Variants in CNTNAP2 observed in about 807,000 individuals in gnomAD.
The protein encoded by CNTNAP2 is contactin associated protein 2, also known as contactin-associated protein-like 2.
A neutral mutation model predicts 155.2 loss-of-function variants in CNTNAP2; 98 were observed. The observed-to-expected ratio is 0.63, with a 90% CI of 0.54 to 0.75. The LOEUF (loss-of-function observed/expected upper bound fraction) is 0.75. Ranked by LOEUF, CNTNAP2 falls within the 30% of genes least tolerant of loss-of-function variation. The probability of loss-of-function intolerance (pLI) is 0.00; values close to 1 mark genes in which losing one functional copy is unlikely to be tolerated. For missense variants in CNTNAP2, 1,727 were observed against 1,688.1 expected (o/e 1.02, Z -0.40); for synonymous variants, 651 against 631.2 (o/e 1.03, Z -0.47).
intron 1 of CNTNAP2, among the ~76,000 whole-genome samples, chr7:146,598,262 C>T (rs959033207): frequency 6.6e-6 from 1 of 152,050 alleles, no homozygotes; most frequent in Non-Finnish European, 1.5e-5. Context: ...CTCGATTTTA[C>T]CTTTCTACTC....
At chr7:148,037,733 A>T (rs1047417512) in intron 15 of CNTNAP2, among the ~76,000 whole-genome samples, 12 of 152,330 alleles carry the variant, frequency 7.9e-5, no homozygotes, top group African/African-American at 2.9e-4. Context: ...TTATTCTCAT[A>T]ATCTCTTACT....
At chr7:146,947,377 T>C (rs1421107058) in intron 3 of CNTNAP2, among the ~76,000 whole-genome samples, 4 of 128,488 alleles carry the variant, frequency 3.1e-5, no homozygotes, top group African/African-American at 9.3e-5. Context: ...TCAAGTTCCT[T>C]CTCTCTTTCT....
intron 1 of CNTNAP2, among the ~76,000 whole-genome samples, chr7:146,586,602 A>T (rs1798695960): frequency 6.6e-6 from 1 of 151,786 alleles, no homozygotes; most frequent in Admixed American, 6.6e-5. Flanking sequence ...TAACCATCAG[A>T]TGTATATTAA....
chr7:146,125,384 G>A (rs1315779584), intron 1 of CNTNAP2, among the ~76,000 whole-genome samples: 2 of 151,864 alleles, frequency 1.3e-5, no homozygotes, highest in African/African-American at 4.8e-5. Context: ...AGAACATCCT[G>A]GCTAACACGG....
At chr7:147,864,265 C>T (rs1255089161) in intron 13 of CNTNAP2, among the ~76,000 whole-genome samples, 1 of 152,160 alleles carries the variant, frequency 6.6e-6, no homozygotes, top group Non-Finnish European at 1.5e-5. Flanking sequence ...TCTGATGCCT[C>T]TGTTCTGTTC....
intron 9 of CNTNAP2, among the ~76,000 whole-genome samples, chr7:147,380,270 C>A (rs1387870067): frequency 2.0e-5 from 3 of 150,760 alleles, no homozygotes; most frequent in Non-Finnish European, 3.0e-5. Flanking sequence ...GAAAAAAAAA[C>A]CCTGATTTTT....
chr7:147,383,413 G>A (rs1053761254), intron 9 of CNTNAP2, among the ~76,000 whole-genome samples: 2 of 152,108 alleles, frequency 1.3e-5, no homozygotes, highest in Non-Finnish European at 2.9e-5. Flanking sequence ...TTTTAGATAA[G>A]TAAGGTGGTG....
chr7:146,483,283 ATATATATATATATATATATATATATAT>A lies in CNTNAP2; in HGVS notation c.98-290987_98-290961del, dbSNP rs1488368438. Among the ~76,000 whole-genome samples, 550 of 62,718 alleles carry A rather than the reference ATATATATATATATATATATATATATAT, an allele frequency of 8.8e-3. 28 individuals are homozygous for A. Among genetic ancestry groups the A allele is most frequent in the Middle Eastern group, 0.023 (3 of 132 alleles). The allele number at this position is 62,718 out of a possible 152,430, so 41.1% of individuals were successfully genotyped here. ...AGAGCAAGACTCCGTCTAAAAAAAAATATATATATATATATATATATATATATATATATATATATATATATACATATA... is the reference window on the plus strand; with the variant it reads ...AGAGCAAGACTCCGTCTAAAAAAAAAATATATATATATATATATACATATA... On this transcript the variant is annotated intron_variant, in intron 1 of 23. Transcript: ENST00000361727.
chr7:147,605,641 A>T (rs1393495186), intron 12 of CNTNAP2, among the ~76,000 whole-genome samples: 1 of 152,034 alleles, frequency 6.6e-6, no homozygotes, highest in East Asian at 1.9e-4. Flanking sequence ...AGATTCCCAG[A>T]GAGACAATTC....
At chr7:147,648,745 C>G (rs1375735068) in intron 13 of CNTNAP2, among the ~76,000 whole-genome samples, 1 of 152,096 alleles carries the variant, frequency 6.6e-6, no homozygotes, top group Non-Finnish European at 1.5e-5. Context: ...TCCCACAACA[C>G]GTGGGAATTG....
intron 13 of CNTNAP2, among the ~76,000 whole-genome samples, chr7:147,713,956 T>A (rs1796445027): frequency 6.6e-6 from 1 of 152,184 alleles, no homozygotes. Flanking sequence ...GCTTAACGAA[T>A]ATTTGCAGAT....
chr7:147,429,205 T>C (rs1269800301), intron 10 of CNTNAP2, among the ~76,000 whole-genome samples: 5 of 151,906 alleles, frequency 3.3e-5, no homozygotes, highest in East Asian at 3.9e-4. Flanking sequence ...TGTTGGTCAA[T>C]GGATATTTAG....
chr7:147,021,025 A>G (rs1798808705), intron 3 of CNTNAP2, among the ~76,000 whole-genome samples: 2 of 152,170 alleles, frequency 1.3e-5, no homozygotes, highest in Admixed American at 6.5e-5. Context: ...TTTGATAAAA[A>G]TCCTGAAACG....
intron 1 of CNTNAP2, among the ~76,000 whole-genome samples, chr7:146,598,957 C>A (rs1179567246): frequency 6.6e-6 from 1 of 152,088 alleles, no homozygotes; most frequent in African/African-American, 2.4e-5. Context: ...CCAAAAGCCT[C>A]TTTGTTCCAG....
intron 1 of CNTNAP2, among the ~76,000 whole-genome samples, chr7:146,752,612 C>G: frequency 6.6e-6 from 1 of 152,100 alleles, no homozygotes; most frequent in Non-Finnish European, 1.5e-5. Context: ...TGCAGAAGCT[C>G]TTTAGTTTAA....
chr7:148,141,271 C>T (rs905993261), intron 16 of CNTNAP2, among the ~76,000 whole-genome samples: 1 of 152,262 alleles, frequency 6.6e-6, no homozygotes, highest in Admixed American at 6.5e-5. Flanking sequence ...TCTTATTCCA[C>T]TGGTGAGTTT....
intron 1 of CNTNAP2, among the ~76,000 whole-genome samples, chr7:146,282,866 C>T (rs1046649845): frequency 7.9e-5 from 12 of 152,330 alleles, no homozygotes; most frequent in Middle Eastern, 6.8e-3. Flanking sequence ...GAAGTTAGGA[C>T]TGCTGTCTTC....
chr7:146,767,872 G>A (rs1802224743), intron 1 of CNTNAP2, among the ~76,000 whole-genome samples: 1 of 152,074 alleles, frequency 6.6e-6, no homozygotes, highest in South Asian at 2.1e-4. Flanking sequence ...GATTAAACAA[G>A]CTGCCCCAAT....
intron 15 of CNTNAP2, among the ~76,000 whole-genome samples, chr7:148,040,940 T>C (rs1024077536): frequency 6.6e-6 from 1 of 152,094 alleles, no homozygotes; most frequent in African/African-American, 2.4e-5. Context: ...CAAAATCAAG[T>C]GTACCTAACA....
Sources: gnomAD v4.1 joint callset for allele counts (sites outside exome capture counted in the v4.1 genomes callset) on GRCh38, gnomAD v4.1.1 for gene constraint, MANE v1.5 for transcripts, NCBI Gene and HGNC (gene_info 2026-07-23, HGNC 2026-07-21) for gene names.